The following PKD1 variants were observed in gnomAD, a reference collection of about 807,000 sequenced individuals.
The protein encoded by PKD1 is polycystin-1.
A neutral mutation model predicts 361.7 loss-of-function variants in PKD1; 81 were observed. The ratio of observed to expected loss-of-function variants is 0.22; its 90% CI spans 0.19 to 0.27. The LOEUF (loss-of-function observed/expected upper bound fraction) is 0.27. PKD1 is among the 10% of genes least tolerant of loss of function. The pLI, the probability that PKD1 is intolerant of heterozygous loss-of-function variation, is 1.00. For synonymous variants in PKD1, 3,615 were observed against 2,818.3 expected (o/e 1.28, Z -8.95); for missense variants, 6,399 against 6,118.3 (o/e 1.05, Z -1.53).
rs115024665 is a variant in PKD1, at chr16:2,105,852, A to G, written c.7863+13T>C. Reference sequence around the variant, plus strand: ...TGCAGCAGATGTGACGTCCCCTCCCAGGCTGCACTCACCTCGTTCAGCACG... The same window carrying G: ...TGCAGCAGATGTGACGTCCCCTCCCGGGCTGCACTCACCTCGTTCAGCACG... On this transcript the variant is annotated intron_variant, in intron 20 of 45. Transcript: ENST00000262304. 2,708 of 1,594,716 alleles carry G rather than the reference A, an allele frequency of 1.7e-3. 41 individuals carry two copies. In the African/African-American group the frequency reaches 0.032, roughly 19 times the overall value.
In PKD1 at chr16:2,112,310, C is replaced by G. The variant is rs2549678; in HGVS notation, c.3295+30G>C. ...GACCCCGTGCTCAGAGCCTGAAAGG[C>G]AGTGGCCCCCTCACCCCCTCATCCC... On this transcript the variant is annotated intron_variant, in intron 14 of 45. Transcript: ENST00000262304. 1.4e-5 allele frequency: 22 copies of G among 1,572,324 alleles called. No homozygotes were observed. The Admixed American group carries it at 2.7e-4, about 19-fold the overall frequency.
rs533315311 is a variant in PKD1 at position 2,121,530 on chromosome 16, G to T, written c.216-2152C>A. ...CATGTCAGTAGTCAGTGAAGAAAAA[G>T]CAACAGAAACCACAGGGCGGCAGCA... On this transcript the variant is annotated intron_variant, in intron 1 of 45. Transcript: ENST00000262304. Among the ~76,000 whole-genome samples, 6 of 152,304 alleles carry T rather than the reference G, an allele frequency of 3.9e-5. No homozygotes were observed. In the East Asian group the frequency reaches 1.2e-3, roughly 29 times the overall value.
Position 2,117,018 on chromosome 16 carries a change from T to C in PKD1, c.1421A>G (p.Gln474Arg), listed in dbSNP as rs1428201346. The C allele has an allele frequency of 1.3e-6, 2 of 1,585,750 alleles. No individual in the cohort carries two copies. The highest frequency in any genetic ancestry group is 1.7e-6 in the Non-Finnish European group (2 of 1,172,262). ...CGGCGCTGGGCCCACCTCCACCCCCTGCACAGTCGAGAAGCCGATCCACAC... is the reference window on the plus strand; with the variant it reads ...CGGCGCTGGGCCCACCTCCACCCCCCGCACAGTCGAGAAGCCGATCCACAC... ...LDVWIGFSTVQGVEVGPAPQG... is the reference protein window; with the variant it reads ...LDVWIGFSTVRGVEVGPAPQG... Residue 474 changes from glutamine to arginine, a missense_variant, in exon 7 of 46, where the codon CAG (glutamine) becomes CGG (arginine). By Grantham distance (43) the Gln-to-Arg change is conservative. Transcript: ENST00000262304.
Position 2,111,232 on chromosome 16 carries a change from C to T in PKD1, c.3935G>A (p.Arg1312Gln), listed in dbSNP as rs142129358. 1.6e-3 allele frequency: 2,577 copies of T among 1,611,018 alleles called. 40 individuals are homozygous for T. In the African/African-American group the frequency reaches 0.03, roughly 19 times the overall value. Residue 1312 changes from arginine (R) to glutamine (Q), a missense_variant, in exon 15 of 46, where the codon CGG (arginine) becomes CAG (glutamine). Coordinates refer to ENST00000262304, the MANE Select transcript of PKD1 (RefSeq NM_001009944.3). ...AACIPTQPDA[R>Q]LTAYVTGNPA... ...GTTCCCGGTGACGTAGGCCGTGAGCCGCGCGTCAGGCTGCGTGGGGATGCA... is the reference window on the plus strand; with the variant it reads ...GTTCCCGGTGACGTAGGCCGTGAGCTGCGCGTCAGGCTGCGTGGGGATGCA...
chr16:2,121,529 A>C (rs1258005930), intron 1 of PKD1, among the ~76,000 whole-genome samples: 2 of 152,186 alleles, frequency 1.3e-5, no homozygotes, highest in Non-Finnish European at 2.9e-5. Context: ...GTGAAGAAAA[A>C]GCAACAGAAA....
intron 21 of PKD1, 90 bp downstream of exon 21, chr16:2,105,232 C>T: frequency 1.5e-6 from 2 of 1,323,792 alleles, no homozygotes; most frequent in Non-Finnish European, 2.1e-6. Context: ...AGGCTCAGCT[C>T]CTCGGCCAAG....
At position 2,089,688 on chromosome 16, in the gene PKD1, C is replaced by G; in HGVS notation, c.*39G>C. The G allele has an allele frequency of 6.4e-7, 1 of 1,550,892 alleles. No individual in the cohort carries two copies. Among genetic ancestry groups the G allele is most frequent in the Non-Finnish European group, 8.7e-7 (1 of 1,147,672 alleles). On this transcript the variant is annotated 3_prime_UTR_variant, in exon 46 of 46. Coordinates refer to ENST00000262304, the MANE Select transcript of PKD1 (RefSeq NM_001009944.3). ...GCAGAAAGTAATACTGAGCGGTGTC[C>G]ACTCCGACTCCACGGCCCACCCCCG...
chr16:2,092,622 C>A, intron 38 of PKD1, 30 bp from the exon 39 acceptor site: 1 of 1,465,858 alleles, frequency 6.8e-7, no homozygotes, highest in Non-Finnish European at 9.5e-7. Flanking sequence ...ACGCTCCAGC[C>A]CCTACTGCCC....
chr16:2,111,262 G>A lies in PKD1; in HGVS notation c.3905C>T (p.Ala1302Val), dbSNP rs2092496299. The A allele has an allele frequency of 1.9e-6, 3 of 1,610,096 alleles. No individual in the cohort carries two copies. The highest frequency in any genetic ancestry group is 2.5e-6 in the Non-Finnish European group (3 of 1,179,582). The change falls in exon 15 of 46, where the codon GCC becomes GTC. Residue 1302 changes from alanine (A) to valine (V), a missense_variant. Transcript: ENST00000262304. ...GTCAGGCTGCGTGGGGATGCAGGCG[G>A]CGGGTTCAACGCGCAGCACCTCCAG... is the stretch of plus-strand genomic sequence containing the variant. ...FVLEVLRVEP[A>V]ACIPTQPDAR...
intron 11 of PKD1, 167 bp downstream of exon 11, chr16:2,114,003 G>C (rs1401355045): frequency 1.9e-5 from 12 of 628,828 alleles, no homozygotes; most frequent in Admixed American, 2.9e-5. Flanking sequence ...GGAATTTAAA[G>C]CCCACCAGGT....
In PKD1 at chr16:2,105,489, G is replaced by A. The variant is rs1403485537; in HGVS notation, c.7864-15C>T. The stretch of plus-strand genomic sequence containing the variant: ...GCCCGCTCGTACTGGGGCAGGCAGG[G>A]GGCACAGCAAGCTGTCAGCAGCGCA... On this transcript the variant is annotated splice_polypyrimidine_tract_variant and intron_variant, in intron 20 of 45. Coordinates refer to ENST00000262304, the MANE Select transcript of PKD1 (RefSeq NM_001009944.3). 1 of 1,595,224 alleles carries A rather than the reference G, an allele frequency of 6.3e-7. No individual in the cohort carries two copies. The highest frequency in any genetic ancestry group is 8.5e-7 in the Non-Finnish European group (1 of 1,179,070).
At chr16:2,092,216 GC>G in intron 39 of PKD1, 28 bp from the exon 40 acceptor site, 1 of 1,561,824 alleles carries the variant, frequency 6.4e-7, no homozygotes. Context: ...CCAGGCCGGG[GC>G]CAGGGCCTCA....
chr16:2,089,532 G>A lies in PKD1; in HGVS notation c.*195C>T. On this transcript the variant is annotated 3_prime_UTR_variant, in exon 46 of 46. Coordinates refer to ENST00000262304, the MANE Select transcript of PKD1 (RefSeq NM_001009944.3). ...GTGTCCTTCCCAAGGGAGCTGGGGAGGGGACCCTGGGTCCTGGTTGGCCAC... is the reference window on the plus strand; with the variant it reads ...GTGTCCTTCCCAAGGGAGCTGGGGAAGGGACCCTGGGTCCTGGTTGGCCAC... 4 of 644,650 alleles carry A rather than the reference G, an allele frequency of 6.2e-6. No individual in the cohort carries two copies. The highest frequency in any genetic ancestry group is 5.5e-5 in the East Asian group (2 of 36,364). The allele number at this position is 644,650 out of a possible 1,614,324, so 39.9% of individuals were successfully genotyped here.
rs780968370 is a variant in PKD1, at chr16:2,091,410, G to A, written c.11712+13C>T. On this transcript the variant is annotated intron_variant, in intron 42 of 45. Coordinates refer to ENST00000262304, the MANE Select transcript of PKD1 (RefSeq NM_001009944.3). ...CGGTGGGAGGCGCGGGGTCTGGCCGGGGACGGGCGTACCGAGGTGAGCAGA... is the reference window on the plus strand; with the variant it reads ...CGGTGGGAGGCGCGGGGTCTGGCCGAGGACGGGCGTACCGAGGTGAGCAGA... 2.6e-6 allele frequency: 3 copies of A among 1,139,724 alleles called. No homozygotes were observed. The highest frequency in any genetic ancestry group is 3.2e-6 in the Non-Finnish European group (3 of 927,870). 70.6% of individuals were successfully genotyped at this position (1,139,724 alleles called of 1,614,324 possible). A position where few individuals can be genotyped will look rare whatever the true frequency, so the allele number is the denominator to read the frequency against.
In PKD1 at chr16:2,103,456, G is replaced by A. The variant is rs1331853024; in HGVS notation, c.8601C>T (p.Ala2867=). The change falls in exon 23 of 46, where the codon GCC becomes GCT. Residue 2867 remains alanine (A), a synonymous_variant. Transcript: ENST00000262304. Reference sequence around the variant, plus strand: ...CCTTCACGGTGATGGCGCGCTCTGAGGCCAGCCGCTCGATGGGGATCTGGG... The same window carrying A: ...CCTTCACGGTGATGGCGCGCTCTGAAGCCAGCCGCTCGATGGGGATCTGGG... ...AGAQIPIERL[A]SERAITVKVP... 2 of 1,599,766 alleles carry A rather than the reference G, an allele frequency of 1.3e-6. No homozygotes were observed. The highest frequency in any genetic ancestry group is 1.7e-6 in the Non-Finnish European group (2 of 1,179,598).
Position 2,090,206 on chromosome 16 carries a change from AC to A in PKD1, c.12445-13del. The stretch of plus-strand genomic sequence containing the variant: ...ACTTTGTGGCGGAACTGGGGGCGGC[AC>A]AGGGGCTCAGTCAGTCCGGCTGCAC... On this transcript the variant is annotated splice_polypyrimidine_tract_variant and intron_variant, in intron 45 of 45. Coordinates refer to ENST00000262304, the MANE Select transcript of PKD1 (RefSeq NM_001009944.3). 3.7e-6 allele frequency: 6 copies of A among 1,607,632 alleles called. No individual in the cohort carries two copies. Among genetic ancestry groups the A allele is most frequent in the Non-Finnish European group, 5.1e-6 (6 of 1,177,188 alleles).
rs1206271173 is a variant in PKD1 at position 2,090,068 on chromosome 16, A to T, written c.12571T>A (p.Ser4191Thr). 1 of 1,610,594 alleles carries T rather than the reference A, an allele frequency of 6.2e-7. No individual in the cohort carries two copies. The highest frequency in any genetic ancestry group is 1.1e-5 in the South Asian group (1 of 91,022). ...ACGCTCAGCCCATCCAGCTGGCTGGAGGAGGTGGAGGGGTGCGAGGCATCG... is the reference window on the plus strand; with the variant it reads ...ACGCTCAGCCCATCCAGCTGGCTGGTGGAGGTGGAGGGGTGCGAGGCATCG... Reference protein sequence around the residue: ...GSDASHPSTSSSQLDGLSVSL... With the variant: ...GSDASHPSTSTSQLDGLSVSL... Residue 4191 changes from serine to threonine, a missense_variant, in exon 46 of 46, where the codon TCC becomes ACC. Ser to Thr is a moderately conservative substitution (Grantham distance 58, BLOSUM62 1). Transcript: ENST00000262304.
In PKD1 at chr16:2,094,025, G is replaced by C. The variant is rs750912142; in HGVS notation, c.10619-12C>G. 3.8e-6 allele frequency: 6 copies of C among 1,591,440 alleles called. No individual in the cohort carries two copies. Among genetic ancestry groups the C allele is most frequent in the Non-Finnish European group, 4.3e-6 (5 of 1,169,838 alleles). On this transcript the variant is annotated splice_polypyrimidine_tract_variant and intron_variant, in intron 35 of 45. Transcript: ENST00000262304. ...ACCCTCCACCAGTCCTGGGGAAGCA[G>C]AGACAGACCTGTGAGAGGCAGCTCA...
At position 2,118,792 on chromosome 16, in the gene PKD1, C is replaced by T. The variant is rs2515725; in HGVS notation, c.413G>A (p.Arg138Gln). Reference sequence around the variant, plus strand: ...CCGCACCTGCTGCTCCTCCGCCCATCGCGGCAGCCACGCCAGGCCACAGTC... The same window carrying T: ...CCGCACCTGCTGCTCCTCCGCCCATTGCGGCAGCCACGCCAGGCCACAGTC... ...ECDCGLAWLP[R>Q]WAEEQQVRVV... The change falls in exon 4 of 46, where the codon CGA (arginine) becomes CAA (glutamine). Residue 138 changes from arginine to glutamine, a missense_variant. Transcript: ENST00000262304. The surrounding 1 kb of genome is among the most constrained non-coding windows in gnomAD (Gnocchi z 6.0). The T allele has an allele frequency of 2.9e-5, 45 of 1,537,002 alleles. No homozygotes were observed. Among genetic ancestry groups the T allele is most frequent in the African/African-American group, 5.4e-5 (4 of 73,722 alleles).
Sources: allele counts gnomAD v4.1 joint callset (sites outside exome capture counted in the v4.1 genomes callset), GRCh38; gene constraint gnomAD v4.1.1; non-coding constraint Gnocchi (gnomAD v3.1); transcripts MANE v1.5; gene names NCBI Gene and HGNC (gene_info 2026-07-23, HGNC 2026-07-21).